CPVL: variants seen among roughly 807,000 people sequenced by gnomAD.
CPVL encodes probable serine carboxypeptidase CPVL.
In CPVL, 51 loss-of-function variants were observed where a neutral mutation model predicts 63.7. That is an observed-to-expected ratio of 0.80 (90% confidence interval 0.64 to 1.01). The LOEUF (loss-of-function observed/expected upper bound fraction) is 1.01, where lower values mean the gene tolerates loss of function less well. Among genes scored for constraint, CPVL ranks in the 50% least tolerant of loss-of-function variants. The pLI, the probability that CPVL is intolerant of heterozygous loss-of-function variation, is 0.00. For missense variants in CPVL, 530 were observed against 573.1 expected, an observed-to-expected ratio of 0.92 and a Z score of 0.77; for synonymous variants, 195 against 206.0, an observed-to-expected ratio of 0.95 and a Z score of 0.46.
At chr7:29,003,197 A>G (rs1189994506) in intron 12 of CPVL, among the ~76,000 whole-genome samples, 2 of 143,792 alleles carry the variant, frequency 1.4e-5, no homozygotes, top group African/African-American at 2.5e-5. Context: ...CAGAGAGAAT[A>G]GCATTTTGCT....
At chr7:29,128,177 T>C (rs1192949998) in intron 1 of CPVL, 2 of 5,290 alleles carry the variant, frequency 3.8e-4, no homozygotes, top group Non-Finnish European at 6.9e-4. Flanking sequence ...AGTTAAGAGT[T>C]TTTTTTTTTT....
At chr7:29,173,251 A>C (rs1796847115) in intron 5 of CPVL, among the ~76,000 whole-genome samples, 1 of 152,144 alleles carries the variant, frequency 6.6e-6, no homozygotes, top group Non-Finnish European at 1.5e-5. Flanking sequence ...GCAGGAACCC[A>C]GAGGAAAAAA....
In CPVL at chr7:29,086,619, A is replaced by T. The variant is rs570450045; in HGVS notation, c.543-69T>A. ...TGATTCAGGATCTCTTCATGCTAGG[A>T]TATCAAATCTAACTCTTTGGCAATA... On this transcript the variant is annotated intron_variant, in intron 6 of 12. Coordinates refer to ENST00000265394, the MANE Select transcript of CPVL (RefSeq NM_031311.5). 1.2e-5 allele frequency: 14 copies of T among 1,147,884 alleles called. No individual in the cohort carries two copies. In the East Asian group the frequency reaches 1.4e-4, roughly 12 times the overall value. The allele number at this position is 1,147,884 out of a possible 1,614,324, so 71.1% of individuals were successfully genotyped here.
chr7:29,030,061 T>A (rs1787876511), intron 12 of CPVL, among the ~76,000 whole-genome samples: 1 of 152,178 alleles, frequency 6.6e-6, no homozygotes, highest in Non-Finnish European at 1.5e-5. Flanking sequence ...CAACTTATTT[T>A]ATGAGGCCAG....
At chr7:29,015,082 A>G (rs534621738) in intron 12 of CPVL, among the ~76,000 whole-genome samples, 38 of 152,362 alleles carry the variant, frequency 2.5e-4, no homozygotes, top group Non-Finnish European at 4.1e-4. Context: ...GAAACAAACA[A>G]AAGTTAATGT....
chr7:29,003,690 C>T (rs1420727253), intron 12 of CPVL, among the ~76,000 whole-genome samples: 7 of 152,072 alleles, frequency 4.6e-5, no homozygotes, highest in Non-Finnish European at 7.4e-5. Flanking sequence ...GGCAGCAGTC[C>T]CCAACCTTTC....
intron 3 of CPVL, among the ~76,000 whole-genome samples, chr7:29,100,845 C>T (rs1465746389): frequency 6.6e-6 from 1 of 152,132 alleles, no homozygotes; most frequent in Non-Finnish European, 1.5e-5. Flanking sequence ...CTTTGATGGG[C>T]CAACCAACCT....
chr7:29,105,408 C>T (rs747361760), intron 3 of CPVL, among the ~76,000 whole-genome samples: 4 of 152,184 alleles, frequency 2.6e-5, no homozygotes, highest in African/African-American at 7.2e-5. Context: ...AGAAGCAAAG[C>T]ATGTTGATCT....
At position 29,120,986 on chromosome 7, in the gene CPVL, A is replaced by G. The variant is rs998692767; in HGVS notation, c.76T>C (p.Ser26Pro). ...MPGPCDGLFRSLYRSVSMPPK... is the reference protein window; with the variant it reads ...MPGPCDGLFRPLYRSVSMPPK... ...GGCATGGAAACACTTCTGTATAGGG[A>G]GCGAAACAGCCCATCACAGGGGCCA... The change falls in exon 2 of 13, where the codon TCC becomes CCC. Residue 26 changes from serine (S) to proline (P), a missense_variant. Coordinates refer to ENST00000265394, the MANE Select transcript of CPVL (RefSeq NM_031311.5). 2 of 1,613,834 alleles carry G rather than the reference A, an allele frequency of 1.2e-6. No homozygotes were observed. Among genetic ancestry groups the G allele is most frequent in the Non-Finnish European group, 1.7e-6 (2 of 1,179,910 alleles).
At chr7:29,125,544 CACT>C (rs758807048) in intron 1 of CPVL, among the ~76,000 whole-genome samples, 21 of 152,092 alleles carry the variant, frequency 1.4e-4, no homozygotes, top group Non-Finnish European at 2.5e-4. Context: ...AGGCACCCAC[CACT>C]ACACCTAGCT....
chr7:29,125,919 G>T (rs756806762), intron 1 of CPVL, among the ~76,000 whole-genome samples: 2 of 152,148 alleles, frequency 1.3e-5, no homozygotes, highest in African/African-American at 4.8e-5. Flanking sequence ...TGACTCATCC[G>T]AGGACCTTGG....
chr7:28,997,451 C>T (rs942523174), intron 12 of CPVL, among the ~76,000 whole-genome samples: 4 of 152,130 alleles, frequency 2.6e-5, no homozygotes, highest in African/African-American at 9.7e-5. Flanking sequence ...CCCTATATCC[C>T]AACACCCTCC....
chr7:29,105,489 A>G (rs1194486324), intron 3 of CPVL, among the ~76,000 whole-genome samples: 1 of 152,196 alleles, frequency 6.6e-6, no homozygotes, highest in African/African-American at 2.4e-5. Flanking sequence ...TGAGACAGAA[A>G]GACTGACTGC....
At chr7:29,025,460 T>C (rs893586852) in intron 12 of CPVL, among the ~76,000 whole-genome samples, 5 of 152,150 alleles carry the variant, frequency 3.3e-5, no homozygotes, top group African/African-American at 1.2e-4. Flanking sequence ...CACCAAGGGA[T>C]TGGTGCAAAG....
At chr7:29,100,716 C>T (rs1002400651) in intron 3 of CPVL, among the ~76,000 whole-genome samples, 2 of 152,178 alleles carry the variant, frequency 1.3e-5, no homozygotes, top group African/African-American at 4.8e-5. Context: ...GATCTGTGTA[C>T]ACACCTCCAG....
At chr7:29,141,528 C>A (rs545781982) in intron 1 of CPVL, among the ~76,000 whole-genome samples, 1 of 151,854 alleles carries the variant, frequency 6.6e-6, no homozygotes, top group Non-Finnish European at 1.5e-5. Context: ...CCAGCCTGGG[C>A]GACAGGGTGA....
At chr7:29,164,790 A>C (rs906484658) in intron 5 of CPVL, among the ~76,000 whole-genome samples, 7 of 151,740 alleles carry the variant, frequency 4.6e-5, no homozygotes, top group Non-Finnish European at 8.8e-5. Flanking sequence ...AAAAAAAAAA[A>C]AAAAAAAAAA....
At chr7:29,100,293 T>C (rs193244653) in intron 3 of CPVL, among the ~76,000 whole-genome samples, 188 of 152,306 alleles carry the variant, frequency 1.2e-3, no homozygotes, top group African/African-American at 4.0e-3. Context: ...TTGGAGAGCT[T>C]TTCTCTTTTG....
intron 1 of CPVL, among the ~76,000 whole-genome samples, chr7:29,135,659 T>A (rs1198900828): frequency 1.3e-5 from 2 of 151,994 alleles, no homozygotes; most frequent in Non-Finnish European, 2.9e-5. Flanking sequence ...TAAATAAATA[T>A]TCAGAAATAC....
Sources: allele counts gnomAD v4.1 joint callset (sites outside exome capture counted in the v4.1 genomes callset), GRCh38; gene constraint gnomAD v4.1.1; transcripts MANE v1.5; gene names NCBI Gene and HGNC (gene_info 2026-07-23, HGNC 2026-07-21).